The following KRT7 variants were observed in gnomAD, a reference collection of about 807,000 sequenced individuals.
KRT7 encodes the protein keratin 7.
Under a neutral mutation model 42.8 loss-of-function variants are expected in KRT7, and 50 were observed. The ratio of observed to expected loss-of-function variants is 1.17; its 90% confidence interval spans 0.93 to 1.48. The LOEUF is 1.48. KRT7 is among the 40% of genes most tolerant of loss of function. The pLI is 0.00. For missense variants in KRT7, 588 were observed against 637.6 expected, an observed-to-expected ratio of 0.92 and a Z score of 0.84; for synonymous variants, 268 against 266.3, an observed-to-expected ratio of 1.01 and a Z score of -0.06.
At chr12:52,239,232 T>A (rs969428748) in intron 4 of KRT7, among the ~76,000 whole-genome samples, 2 of 152,170 alleles carry the variant, frequency 1.3e-5, no homozygotes, top group African/African-American at 4.8e-5. Context: ...CCTAAGTAGC[T>A]GGGCAGGCTG....
At chr12:52,235,472 G>T (rs560766087) in intron 2 of KRT7, 106 bp downstream of exon 2, 5 of 944,718 alleles carry the variant, frequency 5.3e-6, no homozygotes, top group Admixed American at 2.7e-5. Context: ...GCATGCAGCT[G>T]CTCAGTCCAA....
chr12:52,244,005 G>A (rs1344719363), intron 6 of KRT7, among the ~76,000 whole-genome samples: 3 of 152,262 alleles, frequency 2.0e-5, no homozygotes, highest in African/African-American at 7.2e-5. Flanking sequence ...GGTTGGAGGT[G>A]TTGATGGGGG....
In KRT7 at chr12:52,237,517, A is replaced by G. The variant is rs1157982981; in HGVS notation, c.545A>G (p.Asp182Gly). Residue 182 changes from aspartate (D) to glycine (G), a missense_variant, in exon 3 of 9, where the codon GAT becomes GGT. Physicochemically the swap from Asp to Gly is moderately conservative, Grantham distance 94. Coordinates refer to ENST00000331817, the MANE Select transcript of KRT7 (RefSeq NM_005556.4). Reference sequence around the variant, plus strand: ...GCCCTCCTCTACTGTAGGTACGAAGATGAAATTAACCACCGCACAGCTGCT... The same window carrying G: ...GCCCTCCTCTACTGTAGGTACGAAGGTGAAATTAACCACCGCACAGCTGCT... ...VVEDFKNKYEDEINHRTAAEN... is the reference protein window; with the variant it reads ...VVEDFKNKYEGEINHRTAAEN... 6.2e-7 allele frequency: 1 copy of G among 1,611,586 alleles called. No individual in the cohort carries two copies. The highest frequency in any genetic ancestry group is 8.5e-7 in the Non-Finnish European group (1 of 1,178,306).
downstream of KRT7, chr12:52,253,533 C>A: frequency 6.3e-7 from 1 of 1,597,404 alleles, no homozygotes; most frequent in South Asian, 1.1e-5. Flanking sequence ...AAAAGGAAGC[C>A]TATTTAATAG....
intron 2 of KRT7, 25 bp downstream of exon 2, chr12:52,235,391 A>G (rs1279255368): frequency 6.3e-7 from 1 of 1,579,404 alleles, no homozygotes; most frequent in African/African-American, 1.3e-5. Context: ...GCCACATGCG[A>G]AGACCCCTGC....
rs113465034 is a variant in KRT7 at position 52,248,299 on chromosome 12, C to T, written c.1240+88C>T. On this transcript the variant is annotated intron_variant, in intron 8 of 8. Coordinates refer to ENST00000331817, the MANE Select transcript of KRT7 (RefSeq NM_005556.4). ...AGAGAATGGCAGACTGGCCCAGGGCCCTGCTGGAGGGGCCAGGAGACTCCT... is the reference window on the plus strand; with the variant it reads ...AGAGAATGGCAGACTGGCCCAGGGCTCTGCTGGAGGGGCCAGGAGACTCCT... The T allele has an allele frequency of 1.0e-3, 1,434 of 1,372,408 alleles. 21 individuals are homozygous for T. The African/African-American group carries it at 0.014, about 13-fold the overall frequency. 85.0% of individuals were successfully genotyped at this position (1,372,408 alleles called of 1,614,324 possible).
intron 8 of KRT7, 80 bp from the exon 9 acceptor site, chr12:52,248,511 G>C: frequency 7.2e-7 from 1 of 1,384,580 alleles, no homozygotes; most frequent in Non-Finnish European, 9.9e-7. Context: ...GCTGGGGCAG[G>C]AGGGTGGGGT....
downstream of KRT7, chr12:52,248,966 C>T (rs778309727): frequency 4.9e-5 from 22 of 451,396 alleles, no homozygotes; most frequent in Admixed American, 6.0e-4. Flanking sequence ...GGGGAAAAGA[C>T]GGGACTAGAG....
At chr12:52,252,514 T>C, downstream of KRT7, 1 of 1,609,314 alleles carries the variant, frequency 6.2e-7, no homozygotes, top group East Asian at 2.2e-5. Context: ...TAAGGATCTC[T>C]GTTCTGGCTT....
chr12:52,248,298 C>T, intron 8 of KRT7, 87 bp downstream of exon 8: 1 of 1,394,916 alleles, frequency 7.2e-7, no homozygotes, highest in South Asian at 1.2e-5. Context: ...TGGCCCAGGG[C>T]CCTGCTGGAG....
chr12:52,242,770 G>T (rs1434753736), intron 5 of KRT7, among the ~76,000 whole-genome samples: 1 of 152,226 alleles, frequency 6.6e-6, no homozygotes, highest in East Asian at 1.9e-4. Flanking sequence ...GAGTGGAAGA[G>T]CCCTGGGGTC....
intron 4 of KRT7, among the ~76,000 whole-genome samples, chr12:52,239,053 C>T (rs1464322564): frequency 6.6e-6 from 1 of 152,240 alleles, no homozygotes; most frequent in Non-Finnish European, 1.5e-5. Flanking sequence ...CCCTCCGTTC[C>T]TCACAGGCTG....
In KRT7 at chr12:52,245,532, G is replaced by T; in HGVS notation, c.1105G>T (p.Ala369Ser). 6.2e-7 allele frequency: 1 copy of T among 1,614,176 alleles called. No individual in the cohort carries two copies. Among genetic ancestry groups the T allele is most frequent in the Non-Finnish European group, 8.5e-7 (1 of 1,180,024 alleles). ...CCTGCAGCGGGGCAAGCAGGATATG[G>T]CACGGCAGCTGCGTGAGTACCAGGA... is the stretch of plus-strand genomic sequence containing the variant. ...AALQRGKQDM[A>S]RQLREYQELM... is the part of the protein sequence containing the mutation. The change falls in exon 7 of 9, where the codon GCA (alanine) becomes TCA (serine). Residue 369 changes from alanine (A) to serine (S), a missense_variant. Physicochemically the swap from Ala to Ser is moderately conservative, Grantham distance 99. Coordinates refer to ENST00000331817, the MANE Select transcript of KRT7 (RefSeq NM_005556.4).
downstream of KRT7, chr12:52,252,216 C>T: frequency 6.2e-7 from 1 of 1,610,276 alleles, no homozygotes; most frequent in Non-Finnish European, 8.5e-7. Context: ...GCAGCACTGC[C>T]TGGGGGAAAC....
chr12:52,253,563 C>T (rs1338721443), downstream of KRT7: 2 of 1,602,014 alleles, frequency 1.2e-6, no homozygotes, highest in Non-Finnish European at 1.7e-6. Flanking sequence ...ATCCCTCCAA[C>T]TGCCATGTCT....
downstream of KRT7, chr12:52,255,367 A>AT (rs1419768985): frequency 2.2e-6 from 1 of 456,782 alleles, no homozygotes. Flanking sequence ...AAGGCCACAA[A>AT]TTCATTCTCA....
At chr12:52,254,393 G>A (rs144411488), downstream of KRT7, 15 of 685,518 alleles carry the variant, frequency 2.2e-5, no homozygotes, top group Admixed American at 1.1e-4. Flanking sequence ...CACAGGAATT[G>A]CACTGGGAGA....
downstream of KRT7, among the ~76,000 whole-genome samples, chr12:52,249,877 G>C (rs117420170): frequency 7.0e-3 from 1,061 of 152,236 alleles, 42 homozygotes; most frequent in East Asian, 0.11. Context: ...CTGGGGTGGA[G>C]AGTGGAAAAA....
At chr12:52,235,039 G>A in intron 1 of KRT7, 116 bp from the exon 2 acceptor site, 2 of 947,392 alleles carry the variant, frequency 2.1e-6, no homozygotes, top group South Asian at 1.6e-5. Context: ...CCCCAGGCAG[G>A]GAAACAGCCA....
Sources: allele counts gnomAD v4.1 joint callset (sites outside exome capture counted in the v4.1 genomes callset), GRCh38; gene constraint gnomAD v4.1.1; transcripts MANE v1.5; gene names NCBI Gene and HGNC (gene_info 2026-07-23, HGNC 2026-07-21).